The following TRIM16 variants were observed in gnomAD, a reference collection of about 807,000 sequenced individuals.
TRIM16 encodes tripartite motif containing 16, also known as tripartite motif-containing protein 16.
A neutral mutation model predicts 50.4 loss-of-function variants in TRIM16; 33 were observed. That is an observed-to-expected ratio of 0.65 (90% CI 0.50 to 0.88). The LOEUF (loss-of-function observed/expected upper bound fraction) is 0.88, where lower values mean the gene tolerates loss of function less well. Ranked by LOEUF, TRIM16 falls within the 40% of genes least tolerant of loss-of-function variation. TRIM16 has a pLI of 0.00. For missense variants in TRIM16, 581 were observed against 686.8 expected (o/e 0.85, Z 1.72); for synonymous variants, 229 against 270.7 (o/e 0.85, Z 1.51).
At chr17:15,661,953 C>A (rs953737787) in intron 6 of TRIM16, among the ~76,000 whole-genome samples, 2 of 152,206 alleles carry the variant, frequency 1.3e-5, no homozygotes, top group Non-Finnish European at 2.9e-5. Context: ...GCATCTGAAT[C>A]CCAAACTCAA....
chr17:15,658,758 C>T lies in TRIM16; in HGVS notation c.-337-6812G>A, dbSNP rs989796452. On this transcript the variant is annotated intron_variant, in intron 6 of 11. Coordinates refer to ENST00000649191, the MANE Select transcript of TRIM16 (RefSeq NM_001348119.1). ...GTCTGAGAACCACTGAGCTGGAAGT[C>T]GCATCACTCCTCTAGAAACCAGCCC... is the stretch of plus-strand genomic sequence containing the variant. 3 of 965,942 alleles carry T rather than the reference C, an allele frequency of 3.1e-6. No homozygotes were observed. In the South Asian group the frequency reaches 1.4e-4, roughly 46 times the overall value. 59.8% of individuals were successfully genotyped at this position (965,942 alleles called of 1,614,324 possible). A position where few individuals can be genotyped will look rare whatever the true frequency, so the allele number is the denominator to read the frequency against.
chr17:15,640,244 C>A (rs1205057625), intron 8 of TRIM16, among the ~76,000 whole-genome samples: 3 of 148,012 alleles, frequency 2.0e-5, no homozygotes, highest in African/African-American at 7.5e-5. Context: ...AGCCTGACCT[C>A]TCCCTCTGGG....
At chr17:15,667,979 CT>C (rs1256724875) in intron 6 of TRIM16, among the ~76,000 whole-genome samples, 1 of 152,220 alleles carries the variant, frequency 6.6e-6, no homozygotes, top group African/African-American at 2.4e-5. Flanking sequence ...TCTTATAACC[CT>C]TGAGTGATCT....
At chr17:15,681,733 T>A (rs866298671) in intron 3 of TRIM16, among the ~76,000 whole-genome samples, 2 of 152,264 alleles carry the variant, frequency 1.3e-5, no homozygotes, top group Non-Finnish European at 2.9e-5. Context: ...GGTAGTAGGG[T>A]TACATGCTAT....
Position 15,651,470 on chromosome 17 carries a change from G to A in TRIM16, c.140C>T (p.Ser47Phe). 1.2e-6 allele frequency: 2 copies of A among 1,611,828 alleles called. No homozygotes were observed. Among genetic ancestry groups the A allele is most frequent in the Non-Finnish European group, 1.7e-6 (2 of 1,178,490 alleles). The change falls in exon 7 of 12, where the codon TCC becomes TTC. Residue 47 changes from serine (S) to phenylalanine (F), a missense_variant. Coordinates refer to ENST00000649191, the MANE Select transcript of TRIM16 (RefSeq NM_001348119.1). ...ASPVEEEDVG[S>F]SEKLGRETEE... ...CGTCTCCCTGCCAAGCTTCTCCGAG[G>A]AGCCCACGTCCTCTTCTTCCACTGG... is the stretch of plus-strand genomic sequence containing the variant.
intron 7 of TRIM16, among the ~76,000 whole-genome samples, chr17:15,648,012 T>C (rs562223125): frequency 2.0e-5 from 3 of 151,594 alleles, no homozygotes; most frequent in African/African-American, 7.3e-5. Context: ...GATCACCAGG[T>C]CAGGAGATCG....
intron 7 of TRIM16, among the ~76,000 whole-genome samples, chr17:15,645,333 C>T (rs1987316519): frequency 6.6e-6 from 1 of 152,108 alleles, no homozygotes; most frequent in Non-Finnish European, 1.5e-5. Context: ...CTCCTGCTAC[C>T]ATGGCTGCTT....
chr17:15,634,632 A>G (rs1302615673), intron 9 of TRIM16, among the ~76,000 whole-genome samples: 1 of 66,444 alleles, frequency 1.5e-5, no homozygotes, highest in South Asian at 4.8e-4. Context: ...ACTCAGTCTC[A>G]AAAAAAAAAA....
chr17:15,629,456 G>T (rs1447339616), intron 11 of TRIM16, among the ~76,000 whole-genome samples: 1 of 152,212 alleles, frequency 6.6e-6, no homozygotes, highest in African/African-American at 2.4e-5. Flanking sequence ...ACCGAATCAA[G>T]AAATATATTA....
At chr17:15,642,260 T>C (rs1987148602) in intron 8 of TRIM16, among the ~76,000 whole-genome samples, 3 of 149,310 alleles carry the variant, frequency 2.0e-5, no homozygotes, top group Non-Finnish European at 3.0e-5. Context: ...TGGCACACCA[T>C]GGCCTTCTCA....
At chr17:15,672,138 T>C (rs1334616676) in intron 6 of TRIM16, among the ~76,000 whole-genome samples, 1 of 152,156 alleles carries the variant, frequency 6.6e-6, no homozygotes, top group African/African-American at 2.4e-5. Context: ...AACATATAAA[T>C]TAATTTTCCC....
rs1988990848 is a variant in TRIM16 at position 15,677,279 on chromosome 17, T to A, written c.-441A>T. 1 of 985,314 alleles carries A rather than the reference T, an allele frequency of 1.0e-6. No homozygotes were observed. Among genetic ancestry groups the A allele is most frequent in the Non-Finnish European group, 1.2e-6 (1 of 829,926 alleles). The allele number at this position is 985,314 out of a possible 1,614,324, so 61.0% of individuals were successfully genotyped here. On this transcript the variant is annotated splice_region_variant and 5_prime_UTR_variant, in exon 6 of 12. Transcript: ENST00000649191. ...TACCAGGTTTGGAAAATGGAAATCC[T>A]ACTGAAGAGATACAAACAGAATGTA... is the stretch of plus-strand genomic sequence containing the variant.
chr17:15,632,804 C>T, intron 9 of TRIM16, 130 bp from the exon 10 acceptor site: 1 of 1,252,980 alleles, frequency 8.0e-7, no homozygotes, highest in Non-Finnish European at 1.1e-6. Flanking sequence ...AAAGAAAGTA[C>T]ATGTGAAGTG....
chr17:15,654,999 G>GA (rs11440436), intron 6 of TRIM16, among the ~76,000 whole-genome samples: 32,720 of 147,408 alleles, frequency 0.22, 3,683 homozygotes, highest in East Asian at 0.32. Context: ...TTTAAAAATT[G>GA]AAAAAAAAAA....
chr17:15,674,907 T>TACA (rs1988863190), intron 6 of TRIM16, among the ~76,000 whole-genome samples: 1 of 152,072 alleles, frequency 6.6e-6, no homozygotes, highest in Admixed American at 6.6e-5. Context: ...CAGGAATGAC[T>TACA]ACAGATTAAG....
intron 8 of TRIM16, among the ~76,000 whole-genome samples, chr17:15,641,699 G>A (rs1987123449): frequency 6.7e-6 from 1 of 148,532 alleles, no homozygotes; most frequent in Non-Finnish European, 1.5e-5. Context: ...CTAGTTGGTT[G>A]TAAACACCCA....
At chr17:15,665,433 CG>C (rs1326153984) in intron 6 of TRIM16, among the ~76,000 whole-genome samples, 2 of 152,090 alleles carry the variant, frequency 1.3e-5, no homozygotes, top group Non-Finnish European at 2.9e-5. Context: ...GGCGTGAACC[CG>C]GAAGGCAGAG....
At chr17:15,652,150 C>CTT (rs200450452) in intron 6 of TRIM16, 3,320 of 149,346 alleles carry the variant, frequency 0.022, 117 homozygotes, top group African/African-American at 0.076. Context: ...CTTTTCTTTT[C>CTT]TTTTTTTTTT....
At chr17:15,634,357 C>T (rs149783146) in intron 9 of TRIM16, among the ~76,000 whole-genome samples, 7 of 144,080 alleles carry the variant, frequency 4.9e-5, no homozygotes, top group Admixed American at 1.4e-4. Context: ...TGGCCGGGCG[C>T]GGTGGCTCAC....
Sources: allele counts gnomAD v4.1 joint callset (sites outside exome capture counted in the v4.1 genomes callset), GRCh38; gene constraint gnomAD v4.1.1; transcripts MANE v1.5; gene names NCBI Gene and HGNC (gene_info 2026-07-23, HGNC 2026-07-21).